Variants in ING5 observed in about 807,000 individuals in gnomAD.
The protein encoded by ING5 is inhibitor of growth family member 5.
In ING5, 17 loss-of-function variants were observed where a neutral mutation model predicts 37.4. The ratio of observed to expected loss-of-function variants is 0.45; its 90% CI spans 0.31 to 0.68. The LOEUF (loss-of-function observed/expected upper bound fraction) is 0.68. Among genes scored for constraint, ING5 ranks in the 30% least tolerant of loss-of-function variants. ING5 has a pLI of 0.05. For synonymous variants in ING5, 123 were observed against 116.6 expected, an observed-to-expected ratio of 1.06 and a Z score of -0.36; for missense variants, 233 against 311.9, an observed-to-expected ratio of 0.75 and a Z score of 1.91.
At chr2:241,696,388 C>T (rs766094176) in intron 2 of ING5, among the ~76,000 whole-genome samples, 1 of 151,572 alleles carries the variant, frequency 6.6e-6, no homozygotes, top group African/African-American at 2.4e-5. Context: ...AAGACTCCAT[C>T]TCAAAAACAA....
At chr2:241,689,158 A>G (rs2069507866) in intron 1 of ING5, among the ~76,000 whole-genome samples, 1 of 146,396 alleles carries the variant, frequency 6.8e-6, no homozygotes, top group Admixed American at 6.9e-5. Flanking sequence ...TGTGGCCCAG[A>G]GTGGAGTGCA....
In ING5 at chr2:241,704,679, C is replaced by A. The variant is rs1312738659; in HGVS notation, c.64C>A (p.Gln22Lys). Residue 22 changes from glutamine to lysine, a missense_variant, in exon 2 of 8, where the codon CAG becomes AAG. Physicochemically the swap from Gln to Lys is moderately conservative, Grantham distance 53. Around this residue, in one of 4 missense-constraint regions of ING5, gnomAD observed 93 missense variants for 99.7 expected, o/e 0.93. Coordinates refer to ENST00000313552, the MANE Select transcript of ING5 (RefSeq NM_032329.6). ...DSIENLPCEL[Q>K]RNFQLMRELD... ...TATCGAGAACCTTCCCTGCGAACTT[C>A]AGAGGAACTTCCAGCTGATGCGAGA... is the stretch of plus-strand genomic sequence containing the variant. The A allele has an allele frequency of 6.2e-7, 1 of 1,614,154 alleles. No individual in the cohort carries two copies. The highest frequency in any genetic ancestry group is 8.5e-7 in the Non-Finnish European group (1 of 1,180,008).
At chr2:241,717,458 G>T (rs141417453) in intron 5 of ING5, among the ~76,000 whole-genome samples, 1 of 152,014 alleles carries the variant, frequency 6.6e-6, no homozygotes, top group Non-Finnish European at 1.5e-5. Context: ...TTATGTGGAT[G>T]CAAATTTCTG....
At chr2:241,701,912 C>T (rs2069735853), upstream of ING5, 2 of 370,094 alleles carry the variant, frequency 5.4e-6, no homozygotes, top group Non-Finnish European at 9.2e-6. Flanking sequence ...AGCCCGCCGC[C>T]CGCCGGAAGC....
intron 2 of ING5, among the ~76,000 whole-genome samples, chr2:241,705,493 G>C (rs1207045032): frequency 1.3e-5 from 2 of 148,388 alleles, no homozygotes; most frequent in African/African-American, 4.9e-5. Context: ...CACCTCCCGG[G>C]TTCAAGTGAT....
chr2:241,706,462 T>C (rs1005927563), intron 2 of ING5, among the ~76,000 whole-genome samples: 2 of 151,686 alleles, frequency 1.3e-5, no homozygotes, highest in African/African-American at 4.8e-5. Context: ...AAACCCCGTC[T>C]CTACTAAAAA....
At chr2:241,695,021 A>G (rs113394119) in intron 2 of ING5, among the ~76,000 whole-genome samples, 3,556 of 145,466 alleles carry the variant, frequency 0.024, 225 homozygotes, top group East Asian at 0.2. Context: ...TCCGTCTCAA[A>G]AAAAAAGGAC....
At chr2:241,703,260 A>G (rs1271866026) in intron 1 of ING5, among the ~76,000 whole-genome samples, 1 of 152,164 alleles carries the variant, frequency 6.6e-6, no homozygotes, top group South Asian at 2.1e-4. Context: ...CTGGGAAAAC[A>G]CTGGGGCTGG....
At chr2:241,708,462 C>T (rs1233413973) in intron 2 of ING5, among the ~76,000 whole-genome samples, 1 of 152,148 alleles carries the variant, frequency 6.6e-6, no homozygotes, top group East Asian at 1.9e-4. Context: ...CCGCCTCGGC[C>T]TCCAAAAGTG....
exon 1 of ING5, chr2:241,687,237 C>G (rs2069450413): frequency 1.3e-5 from 5 of 397,198 alleles, no homozygotes; most frequent in Admixed American, 4.4e-5. Context: ...CTGCGGTGCC[C>G]GCTGCCAGCG....
intron 1 of ING5, among the ~76,000 whole-genome samples, chr2:241,688,268 T>C (rs2069483553): frequency 6.6e-6 from 1 of 151,262 alleles, no homozygotes; most frequent in Non-Finnish European, 1.5e-5. Flanking sequence ...GGAGGCACCC[T>C]CAGCCAGAAA....
chr2:241,692,651 C>T (rs1197664296), intron 2 of ING5, among the ~76,000 whole-genome samples: 1 of 152,100 alleles, frequency 6.6e-6, no homozygotes, highest in Non-Finnish European at 1.5e-5. Flanking sequence ...ATGCCAGCTG[C>T]TCTGAAGGAC....
At chr2:241,700,238 G>A (rs2069694495), upstream of ING5, among the ~76,000 whole-genome samples, 1 of 140,288 alleles carries the variant, frequency 7.1e-6, no homozygotes, top group African/African-American at 2.7e-5. Context: ...CTCACCGCAA[G>A]CTCAGCCTCC....
At chr2:241,691,411 C>T (rs2069552470) in intron 2 of ING5, among the ~76,000 whole-genome samples, 1 of 151,852 alleles carries the variant, frequency 6.6e-6, no homozygotes, top group Non-Finnish European at 1.5e-5. Flanking sequence ...TGCACTGCAG[C>T]CTGGGTGACA....
chr2:241,723,550 T>C (rs1378868106), intron 7 of ING5, among the ~76,000 whole-genome samples: 1 of 152,250 alleles, frequency 6.6e-6, no homozygotes, highest in Admixed American at 6.5e-5. Flanking sequence ...TTCACGTTAA[T>C]GGCCCCTCCT....
intron 2 of ING5, among the ~76,000 whole-genome samples, chr2:241,708,245 T>C (rs576296422): frequency 1.1e-3 from 170 of 150,540 alleles, no homozygotes; most frequent in African/African-American, 4.0e-3. Context: ...TCTCACTCTT[T>C]CGCCCAGGCC....
chr2:241,711,765 G>A, intron 4 of ING5: 1 of 589,518 alleles, frequency 1.7e-6, no homozygotes, highest in Non-Finnish European at 3.0e-6. Flanking sequence ...GCCAGGTGTG[G>A]TGGTGCACAC....
chr2:241,723,931 G>A, intron 7 of ING5: 1 of 1,291,450 alleles, frequency 7.7e-7, no homozygotes, highest in Admixed American at 2.0e-5. Context: ...GATGGCTTGA[G>A]CCTGGAAGTC....
intron 5 of ING5, chr2:241,719,917 G>C: frequency 7.6e-7 from 1 of 1,313,222 alleles, no homozygotes; most frequent in Non-Finnish European, 9.7e-7. Context: ...ACAGTTGCGG[G>C]GCCCTGCGGC....
Sources: allele counts gnomAD v4.1 joint callset (sites outside exome capture counted in the v4.1 genomes callset), GRCh38; gene constraint gnomAD v4.1.1; regional missense constraint gnomAD v4.1.1; transcripts MANE v1.5; gene names NCBI Gene and HGNC (gene_info 2026-07-23, HGNC 2026-07-21).